Variants in CCDC33 observed in about 807,000 individuals in gnomAD.
CCDC33 encodes the protein coiled-coil domain containing 33.
CCDC33 carries 94 observed loss-of-function variants against 91.9 expected under a neutral mutation model. The observed-to-expected ratio is 1.02, with a 90% CI of 0.87 to 1.21. The LOEUF (loss-of-function observed/expected upper bound fraction) is 1.21, where lower values mean the gene tolerates loss of function less well. Among genes scored for constraint, CCDC33 ranks in the 50% most tolerant of loss-of-function variants. The probability of loss-of-function intolerance (pLI) is 0.00; values close to 1 mark genes in which losing one functional copy is unlikely to be tolerated. For missense variants in CCDC33, 940 were observed against 935.5 expected (o/e 1.00, Z -0.06); for synonymous variants, 396 against 374.5 (o/e 1.06, Z -0.66).
chr15:74,286,831 G>T (rs1183664223), intron 10 of CCDC33, among the ~76,000 whole-genome samples: 4 of 152,120 alleles, frequency 2.6e-5, no homozygotes, highest in African/African-American at 4.8e-5. Flanking sequence ...CATTTGAGGA[G>T]AGGTGGCAGT....
At chr15:74,253,528 C>T (rs529440848) in intron 2 of CCDC33, among the ~76,000 whole-genome samples, 2 of 152,278 alleles carry the variant, frequency 1.3e-5, no homozygotes, top group South Asian at 2.1e-4. Context: ...TTGATCTCCT[C>T]GTTCCCCCCC....
chr15:74,268,200 G>A (rs2076218700), intron 4 of CCDC33, 142 bp from the exon 5 acceptor site: 3 of 663,954 alleles, frequency 4.5e-6, no homozygotes, highest in African/African-American at 1.8e-5. Flanking sequence ...GGGCTCACAG[G>A]GACCATGAGC....
At position 74,205,708 on chromosome 15, in the gene CCDC33, A is replaced by C. The variant is rs2074244411; in HGVS notation, n.89+2610A>C. Among the ~76,000 whole-genome samples the C allele has an allele frequency of 2.0e-5, 3 of 152,354 alleles. No individual in the cohort carries two copies. In the South Asian group the frequency reaches 6.2e-4, roughly 32 times the overall value. ...GCCCAGGGGCTGCAGCCAGGCTGGCAGAAAGGGACCCCAGCTGAGCCCAGG... is the reference window on the plus strand; with the variant it reads ...GCCCAGGGGCTGCAGCCAGGCTGGCCGAAAGGGACCCCAGCTGAGCCCAGG... On this transcript the variant is annotated intron_variant and non_coding_transcript_variant, in intron 1 of 3. Coordinates refer to the CCDC33 transcript ENST00000558645.
intron 11 of CCDC33, among the ~76,000 whole-genome samples, chr15:74,312,596 G>A (rs1406915808): frequency 6.6e-6 from 1 of 152,174 alleles, no homozygotes; most frequent in African/African-American, 2.4e-5. Flanking sequence ...CACAGGCTTC[G>A]CTCAATTAAT....
intron 10 of CCDC33, among the ~76,000 whole-genome samples, chr15:74,292,173 GC>G (rs1188012986): frequency 6.6e-6 from 1 of 152,236 alleles, no homozygotes; most frequent in Non-Finnish European, 1.5e-5. Context: ...TGGGCCAGCA[GC>G]CCCCACCTTA....
intron 1 of CCDC33, chr15:74,208,995 G>C: frequency 9.8e-7 from 1 of 1,025,590 alleles, no homozygotes; most frequent in Non-Finnish European, 1.2e-6. Context: ...GCCCTGAGAA[G>C]TGTCCCCAGC....
intron 7 of CCDC33, among the ~76,000 whole-genome samples, chr15:74,273,695 C>G (rs1029586795): frequency 2.0e-5 from 3 of 151,920 alleles, no homozygotes; most frequent in African/African-American, 7.3e-5. Context: ...TCTCGAACTC[C>G]TGACCTCAGG....
At chr15:74,327,496 G>A (rs564232066) in intron 11 of CCDC33, among the ~76,000 whole-genome samples, 3 of 152,230 alleles carry the variant, frequency 2.0e-5, no homozygotes, top group South Asian at 4.1e-4. Context: ...TTAGCTGGGC[G>A]TGGTGGTGCA....
chr15:74,248,374 C>T (rs11629834), intron 2 of CCDC33, among the ~76,000 whole-genome samples: 75,967 of 151,480 alleles, frequency 0.5, 22,317 homozygotes, highest in Non-Finnish European at 0.67. Flanking sequence ...CATCTTTTTG[C>T]TGCCCCTGTT....
intron 2 of CCDC33, among the ~76,000 whole-genome samples, chr15:74,225,693 AG>A (rs1206280564): frequency 6.6e-6 from 1 of 152,170 alleles, no homozygotes; most frequent in Non-Finnish European, 1.5e-5. Context: ...CAGGTGAGAA[AG>A]GGACTTGGGG....
rs77704192 is a variant in CCDC33 at position 74,207,739 on chromosome 15, G to C, written n.90-1649G>C. 0.025 allele frequency: 38,489 copies of C among 1,535,722 alleles called. 577 individuals carry two copies. Among genetic ancestry groups the C allele is most frequent in the South Asian group, 0.041 (3,455 of 84,062 alleles). On this transcript the variant is annotated intron_variant and non_coding_transcript_variant, in intron 1 of 3. Coordinates refer to the CCDC33 transcript ENST00000558645. ...CTTGAGAGTCCATGAATAAGCAGCC[G>C]AGAGAGTCAACCTCATGCGGGCCCG...
intron 2 of CCDC33, chr15:74,209,803 C>G (rs2074342931): frequency 4.5e-6 from 1 of 221,328 alleles, no homozygotes; most frequent in Non-Finnish European, 8.8e-6. Context: ...GGTGCTCCAC[C>G]TAGGTGCTGT....
At chr15:74,220,213 C>T (rs7170080) in intron 2 of CCDC33, among the ~76,000 whole-genome samples, 99 of 152,268 alleles carry the variant, frequency 6.5e-4, no homozygotes, top group African/African-American at 2.3e-3. Context: ...TGACCAAGGA[C>T]GCAGGGACCC....
chr15:74,203,975 G>A (rs1345500936), intron 1 of CCDC33, among the ~76,000 whole-genome samples: 1 of 152,172 alleles, frequency 6.6e-6, no homozygotes, highest in Non-Finnish European at 1.5e-5. Flanking sequence ...GAGTAGACAG[G>A]GCTTGAAATC....
intron 2 of CCDC33, among the ~76,000 whole-genome samples, chr15:74,246,968 A>G (rs1463162920): frequency 6.6e-6 from 1 of 151,912 alleles, no homozygotes; most frequent in Non-Finnish European, 1.5e-5. Flanking sequence ...AATATGGTGA[A>G]ACCCCATCTC....
At chr15:74,235,876 T>C (rs2075137181), upstream of CCDC33, among the ~76,000 whole-genome samples, 2 of 152,198 alleles carry the variant, frequency 1.3e-5, no homozygotes, top group African/African-American at 4.8e-5. Context: ...AAGTTTAGAA[T>C]GTATGCTCTT....
At chr15:74,253,760 G>A (rs2075780382) in intron 2 of CCDC33, among the ~76,000 whole-genome samples, 1 of 152,208 alleles carries the variant, frequency 6.6e-6, no homozygotes. Context: ...AGCAACTGTG[G>A]CAAACCAGAG....
At chr15:74,211,338 A>G (rs1170378524) in intron 2 of CCDC33, among the ~76,000 whole-genome samples, 1 of 151,524 alleles carries the variant, frequency 6.6e-6, no homozygotes, top group Non-Finnish European at 1.5e-5. Context: ...TCTGTCTGAT[A>G]ACACAGCAGA....
rs1595928529 is a variant in CCDC33 at position 74,244,571 on chromosome 15, A to C, written c.185+423A>C. ...GCCCTGGGGTAGGGTCCTCATAACC[A>C]CCCTCCCCTCCTCCCCTCCTTCTCC... On this transcript the variant is annotated intron_variant, in intron 2 of 18. Coordinates refer to ENST00000398814, the MANE Select transcript of CCDC33 (RefSeq NM_025055.5). The surrounding 1 kb of genome is among the most constrained non-coding windows in gnomAD (Gnocchi z 4.2). 1.4e-5 allele frequency among the ~76,000 whole-genome samples: 2 copies of C among 145,496 alleles called. No individual in the cohort carries two copies. Among genetic ancestry groups the C allele is most frequent in the African/African-American group, 2.6e-5 (1 of 39,126 alleles).
Sources: allele counts gnomAD v4.1 joint callset (sites outside exome capture counted in the v4.1 genomes callset), GRCh38; gene constraint gnomAD v4.1.1; non-coding constraint Gnocchi (gnomAD v3.1); transcripts MANE v1.5; gene names NCBI Gene and HGNC (gene_info 2026-07-23, HGNC 2026-07-21).